The following WASF2 variants were observed in gnomAD, a reference collection of about 807,000 sequenced individuals.
WASF2 encodes WASP family member 2.
WASF2 carries 14 observed loss-of-function variants against 45.0 expected under a neutral mutation model. That is an observed-to-expected ratio of 0.31 (90% CI 0.21 to 0.49). The LOEUF is 0.49. Ranked by LOEUF, WASF2 falls within the 20% of genes least tolerant of loss-of-function variation. The probability of loss-of-function intolerance (pLI) is 0.99; values close to 1 mark genes in which losing one functional copy is unlikely to be tolerated. For synonymous variants in WASF2, 200 were observed against 236.3 expected (o/e 0.85, Z 1.41); for missense variants, 439 against 636.1 (o/e 0.69, Z 3.33).
intron 1 of WASF2, among the ~76,000 whole-genome samples, chr1:27,469,316 T>C (rs2017659055): frequency 2.6e-5 from 4 of 152,146 alleles, no homozygotes; most frequent in Admixed American, 2.0e-4. Flanking sequence ...TCCACATCTG[T>C]ATATGTTTGA....
intron 2 of WASF2, among the ~76,000 whole-genome samples, chr1:27,421,460 T>C (rs1203739261): frequency 1.3e-5 from 2 of 151,896 alleles, no homozygotes; most frequent in African/African-American, 4.8e-5. Context: ...GGCAGATCAC[T>C]TGAGGCCAGA....
At chr1:27,445,441 T>C (rs955290827) in intron 1 of WASF2, among the ~76,000 whole-genome samples, 3 of 152,228 alleles carry the variant, frequency 2.0e-5, no homozygotes, top group African/African-American at 7.2e-5. Flanking sequence ...AATACGCCCA[T>C]AGTTCTCATC....
intron 1 of WASF2, among the ~76,000 whole-genome samples, chr1:27,431,705 T>C (rs2017064673): frequency 6.6e-6 from 1 of 152,182 alleles, no homozygotes; most frequent in Non-Finnish European, 1.5e-5. Flanking sequence ...CTACATAAAT[T>C]TCAGATTGAG....
chr1:27,418,133 A>G, intron 4 of WASF2, 136 bp downstream of exon 4: 1 of 1,051,228 alleles, frequency 9.5e-7, no homozygotes, highest in Non-Finnish European at 1.3e-6. Context: ...CTGCTGCCAC[A>G]GAAACTACCA....
At chr1:27,415,656 T>C (rs2016817825) in intron 5 of WASF2, among the ~76,000 whole-genome samples, 1 of 152,112 alleles carries the variant, frequency 6.6e-6, no homozygotes, top group African/African-American at 2.4e-5. Flanking sequence ...GCAAAACTAG[T>C]GGAGAAGGGA....
intron 1 of WASF2, among the ~76,000 whole-genome samples, chr1:27,462,364 A>C (rs1325985721): frequency 6.6e-6 from 1 of 152,246 alleles, no homozygotes; most frequent in African/African-American, 2.4e-5. Context: ...TCTAAAAACA[A>C]ACTACAGTTC....
At chr1:27,461,829 T>C (rs927262022) in intron 1 of WASF2, among the ~76,000 whole-genome samples, 15 of 151,756 alleles carry the variant, frequency 9.9e-5, no homozygotes, top group African/African-American at 3.4e-4. Flanking sequence ...GGCCTGGTTA[T>C]TTTTTGTATT....
At chr1:27,416,653 C>A (rs2016829831) in intron 4 of WASF2, among the ~76,000 whole-genome samples, 1 of 152,236 alleles carries the variant, frequency 6.6e-6, no homozygotes. Flanking sequence ...CAGCACTCCA[C>A]CTTCTTGCTC....
At chr1:27,465,165 G>A (rs562816761) in intron 1 of WASF2, among the ~76,000 whole-genome samples, 3 of 152,252 alleles carry the variant, frequency 2.0e-5, no homozygotes, top group South Asian at 2.1e-4. Flanking sequence ...TTCTCTGAAC[G>A]CTACAGCCAC....
intron 1 of WASF2, among the ~76,000 whole-genome samples, chr1:27,476,528 G>C (rs956524386): frequency 2.6e-5 from 4 of 151,844 alleles, no homozygotes; most frequent in Non-Finnish European, 5.9e-5. Context: ...ATGAGATTTA[G>C]AGAGGATACA....
At chr1:27,467,451 C>T (rs890727404) in intron 1 of WASF2, among the ~76,000 whole-genome samples, 3 of 149,904 alleles carry the variant, frequency 2.0e-5, no homozygotes, top group African/African-American at 7.3e-5. Flanking sequence ...CAGGCACCTG[C>T]CACCACGCCC....
intron 1 of WASF2, among the ~76,000 whole-genome samples, chr1:27,476,639 C>T (rs897442034): frequency 2.0e-5 from 3 of 151,430 alleles, no homozygotes; most frequent in African/African-American, 7.3e-5. Context: ...AATAAGTAGA[C>T]TATTTTTCCC....
Position 27,436,200 on chromosome 1 carries a change from C to A in WASF2, c.-43-7267G>T, listed in dbSNP as rs556207596. On this transcript the variant is annotated intron_variant, in intron 1 of 8. Coordinates refer to ENST00000618852, the MANE Select transcript of WASF2 (RefSeq NM_006990.5). ...GTGATTCACACCTGTAATCCTAATA[C>A]TTTGGGAGGCAGCAGCAGGAGGACT... Among the ~76,000 whole-genome samples the A allele has an allele frequency of 1.3e-5, 2 of 152,272 alleles. 1 individual carries two copies. Among genetic ancestry groups the A allele is most frequent in the South Asian group, 4.1e-4 (2 of 4,822 alleles).
chr1:27,418,569 A>AGGG, intron 3 of WASF2, 147 bp from the exon 4 acceptor site: 1 of 1,110,482 alleles, frequency 9.0e-7, no homozygotes, highest in Non-Finnish European at 1.3e-6. Context: ...CCCTCTGGGG[A>AGGG]AGCCCCACAA....
chr1:27,443,068 A>T (rs1571141340), intron 1 of WASF2, among the ~76,000 whole-genome samples: 1 of 147,388 alleles, frequency 6.8e-6, no homozygotes, highest in Non-Finnish European at 1.5e-5. Context: ...AGAGGCCGAG[A>T]TGGGGGGATT....
At chr1:27,463,790 A>ATAT (rs1036268345) in intron 1 of WASF2, among the ~76,000 whole-genome samples, 13 of 149,112 alleles carry the variant, frequency 8.7e-5, no homozygotes, top group African/African-American at 2.0e-4. Context: ...TGCCTCCTTT[A>ATAT]TATTATTATT....
At chr1:27,435,220 A>T (rs2017119963) in intron 1 of WASF2, among the ~76,000 whole-genome samples, 1 of 152,082 alleles carries the variant, frequency 6.6e-6, no homozygotes, top group African/African-American at 2.4e-5. Flanking sequence ...TGTTGGGATT[A>T]CGGGCGTGAG....
intron 1 of WASF2, among the ~76,000 whole-genome samples, chr1:27,437,203 C>T (rs967257923): frequency 1.3e-5 from 2 of 152,142 alleles, no homozygotes; most frequent in African/African-American, 4.8e-5. Flanking sequence ...CTTTAACCTT[C>T]AAAATTGGTT....
Position 27,409,937 on chromosome 1 carries a change from G to A in WASF2, c.1094C>T (p.Pro365Leu), listed in dbSNP as rs1182090943. 7 of 1,605,828 alleles carry A rather than the reference G, an allele frequency of 4.4e-6. No individual in the cohort carries two copies. The East Asian group carries it at 1.1e-4, about 26-fold the overall frequency. ...FPPHPDFAAP[P>L]PPPPPPAADY... ...AGCTGCTGGTGGTGGAGGAGGAGGTGGAGGGGCAGCAAAATCAGGGTGAGG... is the reference window on the plus strand; with the variant it reads ...AGCTGCTGGTGGTGGAGGAGGAGGTAGAGGGGCAGCAAAATCAGGGTGAGG... Residue 365 changes from proline (P) to leucine (L), a missense_variant, in exon 8 of 9, where the codon CCA becomes CTA. Around this residue, in one of 5 missense-constraint regions of WASF2, gnomAD observed 286 missense variants for 373.5 expected, o/e 0.77. Coordinates refer to ENST00000618852, the MANE Select transcript of WASF2 (RefSeq NM_006990.5).
Sources: gnomAD v4.1 joint callset for allele counts (sites outside exome capture counted in the v4.1 genomes callset) on GRCh38, gnomAD v4.1.1 for gene constraint, gnomAD v4.1.1 regional missense constraint, MANE v1.5 for transcripts, NCBI Gene and HGNC (gene_info 2026-07-23, HGNC 2026-07-21) for gene names.